The following FAM13A variants were observed in gnomAD, a reference collection of about 807,000 sequenced individuals.
The protein encoded by FAM13A is protein FAM13A.
A neutral mutation model predicts 129.6 loss-of-function variants in FAM13A; 76 were observed. That is an observed-to-expected ratio of 0.59 (90% CI 0.49 to 0.71). FAM13A has a LOEUF of 0.71. FAM13A is among the 30% of genes least tolerant of loss of function. The probability of loss-of-function intolerance (pLI) is 0.00; values close to 1 mark genes in which losing one functional copy is unlikely to be tolerated. For missense variants in FAM13A, 1,108 were observed against 1,249.3 expected (o/e 0.89, Z 1.70); for synonymous variants, 443 against 449.9 (o/e 0.98, Z 0.20).
chr4:89,029,681 G>A (rs1380212629), intron 1 of FAM13A, 32 bp from the exon 2 acceptor site: 1 of 1,560,426 alleles, frequency 6.4e-7, no homozygotes. Flanking sequence ...AGAGCAGTCA[G>A]TCATATTTAC....
At chr4:89,053,213 A>G (rs1771825486) in intron 1 of FAM13A, among the ~76,000 whole-genome samples, 1 of 152,212 alleles carries the variant, frequency 6.6e-6, no homozygotes, top group East Asian at 1.9e-4. Flanking sequence ...TTCCAACAAC[A>G]TGTTCCTCAT....
intron 6 of FAM13A, among the ~76,000 whole-genome samples, chr4:88,893,089 CAGA>C (rs1745640604): frequency 6.6e-6 from 1 of 152,146 alleles, no homozygotes; most frequent in Admixed American, 6.5e-5. Context: ...TTAATCATCA[CAGA>C]TATGATCAAA....
At chr4:88,963,003 A>G (rs142502794) in intron 4 of FAM13A, among the ~76,000 whole-genome samples, 1 of 152,330 alleles carries the variant, frequency 6.6e-6, no homozygotes, top group East Asian at 1.9e-4. Context: ...GATTTCTAAA[A>G]GGATGTTCAG....
intron 6 of FAM13A, among the ~76,000 whole-genome samples, chr4:88,873,467 C>T (rs537781903): frequency 9.2e-5 from 14 of 152,164 alleles, no homozygotes; most frequent in African/African-American, 2.2e-4. Flanking sequence ...ATATCACCAC[C>T]GATCCCACAG....
At chr4:88,875,953 AT>A (rs1398686350) in intron 6 of FAM13A, among the ~76,000 whole-genome samples, 3 of 152,232 alleles carry the variant, frequency 2.0e-5, no homozygotes, top group Non-Finnish European at 4.4e-5. Context: ...ATGGAATACT[AT>A]GCAGCCACAA....
intron 5 of FAM13A, among the ~76,000 whole-genome samples, chr4:88,932,845 T>C (rs967356160): frequency 3.9e-5 from 6 of 152,210 alleles, no homozygotes; most frequent in Non-Finnish European, 7.3e-5. Context: ...TTTGCTTTGC[T>C]CAGAGCATTT....
chr4:88,992,258 C>CT (rs535122112), intron 3 of FAM13A, among the ~76,000 whole-genome samples: 3 of 136,584 alleles, frequency 2.2e-5, no homozygotes, highest in African/African-American at 5.6e-5. Context: ...GAATGAATAA[C>CT]TTTTTTTTCT....
At chr4:88,836,232 GTT>G (rs1734778129) in intron 7 of FAM13A, among the ~76,000 whole-genome samples, 1 of 152,104 alleles carries the variant, frequency 6.6e-6, no homozygotes, top group Non-Finnish European at 1.5e-5. Flanking sequence ...TAAATTTTAT[GTT>G]ATATATACAT....
At chr4:88,999,380 AT>A (rs1277754775) in intron 3 of FAM13A, among the ~76,000 whole-genome samples, 1 of 152,198 alleles carries the variant, frequency 6.6e-6, no homozygotes, top group African/African-American at 2.4e-5. Flanking sequence ...TGAAGAACTT[AT>A]TTGTATGAGA....
At position 88,781,220 on chromosome 4, in the gene FAM13A, C is replaced by T. The variant is rs116703634; in HGVS notation, c.1403G>A (p.Arg468His). 49 of 1,611,986 alleles carry T rather than the reference C, an allele frequency of 3.0e-5. No homozygotes were observed. Among genetic ancestry groups the T allele is most frequent in the East Asian group, 2.0e-4 (9 of 44,724 alleles). Residue 468 changes from arginine to histidine, a missense_variant, in exon 11 of 24, where the codon CGT becomes CAT. Arg to His is a conservative substitution (Grantham distance 29, BLOSUM62 0). Around this residue, in one of 3 missense-constraint regions of FAM13A, gnomAD observed 566 missense variants for 595.7 expected, o/e 0.95. Transcript: ENST00000264344. ...AGAAAGTTTAGTACTGGATTTCTGA[C>T]GTTTAGGCTTGCTCCTTTCTCCAGC... ...GCAGERSKPKRQKSSTKLSEL... is the reference protein window; with the variant it reads ...GCAGERSKPKHQKSSTKLSEL...
At chr4:89,007,683 GGTAA>G (rs1388350922) in intron 3 of FAM13A, among the ~76,000 whole-genome samples, 5 of 152,158 alleles carry the variant, frequency 3.3e-5, no homozygotes, top group African/African-American at 9.7e-5. Context: ...GCACAAAAAG[GGTAA>G]GTAACTTGGC....
chr4:88,760,797 A>G (rs11097195), intron 13 of FAM13A, among the ~76,000 whole-genome samples: 123,218 of 151,544 alleles, frequency 0.81, 50,339 homozygotes, highest in Middle Eastern at 0.85. Flanking sequence ...AGCTTTTTAA[A>G]TTACAAAGCC....
rs1737956329 is a variant in FAM13A, at chr4:88,732,116, C to T, written c.2729G>A (p.Cys910Tyr). ...VTLKTDFSAR[C>Y]FLDQFEDDAD... is the part of the protein sequence containing the mutation. ...GTCATCTTCGAATTGGTCCAGAAAG[C>T]ATCGTGCACTGAAATCGGTTTTCAG... The change falls in exon 22 of 24, where the codon TGC becomes TAC. Residue 910 changes from cysteine to tyrosine, a missense_variant. Coordinates refer to ENST00000264344, the MANE Select transcript of FAM13A (RefSeq NM_014883.4). The T allele has an allele frequency of 1.2e-6, 2 of 1,613,828 alleles. No homozygotes were observed. Among genetic ancestry groups the T allele is most frequent in the African/African-American group, 1.3e-5 (1 of 74,918 alleles).
chr4:88,789,129 C>T (rs890581803), intron 9 of FAM13A, among the ~76,000 whole-genome samples: 3 of 152,090 alleles, frequency 2.0e-5, no homozygotes, highest in African/African-American at 7.2e-5. Context: ...AGGTGGCTTC[C>T]TACAACATAC....
intron 4 of FAM13A, among the ~76,000 whole-genome samples, chr4:88,945,765 T>C (rs1235057474): frequency 6.9e-6 from 1 of 145,206 alleles, no homozygotes; most frequent in Non-Finnish European, 1.5e-5. Flanking sequence ...TTAGTATATA[T>C]ATATATACTA....
intron 4 of FAM13A, among the ~76,000 whole-genome samples, chr4:88,980,809 T>C (rs1183324221): frequency 6.6e-6 from 1 of 152,200 alleles, no homozygotes; most frequent in Non-Finnish European, 1.5e-5. Flanking sequence ...ACAGCAACAT[T>C]ATAATATCTG....
chr4:88,856,190 T>TTTGA (rs1299004690), intron 6 of FAM13A, among the ~76,000 whole-genome samples: 1 of 152,110 alleles, frequency 6.6e-6, no homozygotes, highest in Non-Finnish European at 1.5e-5. Flanking sequence ...ACAAAAACTC[T>TTTGA]AAGTGTGGAC....
intron 6 of FAM13A, among the ~76,000 whole-genome samples, chr4:88,853,762 C>G (rs1375587775): frequency 6.6e-6 from 1 of 152,104 alleles, no homozygotes; most frequent in East Asian, 1.9e-4. Context: ...AAGAGCAGAC[C>G]CACCCTCAGT....
intron 3 of FAM13A, among the ~76,000 whole-genome samples, chr4:88,999,823 G>A (rs1233746542): frequency 6.6e-6 from 1 of 152,062 alleles, no homozygotes; most frequent in Admixed American, 6.6e-5. Context: ...ACAGAGTTAG[G>A]GCAGAGCTCT....
Sources: gnomAD v4.1 joint callset for allele counts (sites outside exome capture counted in the v4.1 genomes callset) on GRCh38, gnomAD v4.1.1 for gene constraint, gnomAD v4.1.1 regional missense constraint, MANE v1.5 for transcripts, NCBI Gene and HGNC (gene_info 2026-07-23, HGNC 2026-07-21) for gene names.